IL1RAPL1: variants seen among roughly 807,000 people sequenced by gnomAD.
The protein encoded by IL1RAPL1 is interleukin 1 receptor accessory protein like 1, also known as interleukin-1 receptor accessory protein-like 1.
IL1RAPL1 carries 3 observed loss-of-function variants against 48.4 expected under a neutral mutation model. That is an observed-to-expected ratio of 0.06 (90% confidence interval 0.03 to 0.16). IL1RAPL1 has a LOEUF of 0.16. Ranked by LOEUF, IL1RAPL1 falls within the 10% of genes least tolerant of loss-of-function variation. The pLI is 1.00. For synonymous variants in IL1RAPL1, 185 were observed against 187.7 expected, an observed-to-expected ratio of 0.99 and a Z score of 0.12; for missense variants, 349 against 530.6, an observed-to-expected ratio of 0.66 and a Z score of 3.36.
chrX:29,156,606 A>C (rs1929575257), intron 2 of IL1RAPL1, among the ~76,000 whole-genome samples: 1 of 111,295 alleles, frequency 9.0e-6, no homozygotes, highest in South Asian at 3.8e-4. Context: ...TAAAAACCTC[A>C]TTCCCCAGTA....
intron 6 of IL1RAPL1, among the ~76,000 whole-genome samples, chrX:29,802,598 T>C (rs1929937246): frequency 1.6e-5 from 1 of 63,944 alleles, no homozygotes; most frequent in African/African-American, 4.5e-5. Context: ...CACTCTCAGT[T>C]TCTATACTTT....
chrX:29,826,647 T>C (rs1434407429), intron 6 of IL1RAPL1, among the ~76,000 whole-genome samples: 1 of 111,856 alleles, frequency 8.9e-6, no homozygotes, highest in Non-Finnish European at 1.9e-5. Flanking sequence ...ATGTGGTTTT[T>C]TGTGTCTAGC....
intron 6 of IL1RAPL1, among the ~76,000 whole-genome samples, chrX:29,790,732 A>G (rs746902023): frequency 8.9e-6 from 1 of 111,816 alleles, no homozygotes; most frequent in South Asian, 3.8e-4. Flanking sequence ...GTCTCTGTCC[A>G]TAAGTCTTCT....
intron 2 of IL1RAPL1, among the ~76,000 whole-genome samples, chrX:29,012,307 C>G (rs757925928): frequency 6.2e-5 from 7 of 112,149 alleles, no homozygotes; most frequent in Non-Finnish European, 1.1e-4. Context: ...CTTTGGGAGG[C>G]TGAGGCGGGT....
intron 6 of IL1RAPL1, among the ~76,000 whole-genome samples, chrX:29,680,859 C>T (rs1926430274): frequency 1.8e-5 from 2 of 111,814 alleles, no homozygotes; most frequent in South Asian, 7.5e-4. Context: ...TACGTCTCAA[C>T]TCTAGACCTG....
At chrX:29,817,601 A>C (rs955461151) in intron 6 of IL1RAPL1, among the ~76,000 whole-genome samples, 2 of 111,932 alleles carry the variant, frequency 1.8e-5, no homozygotes, top group Non-Finnish European at 3.8e-5. Context: ...TACAATAAGC[A>C]AAGATAACAG....
rs767491283 is a variant in IL1RAPL1, at chrX:29,383,546, T to C, written c.363-12712T>C. Among the ~76,000 whole-genome samples the C allele has an allele frequency of 1.5e-3, 169 of 112,320 alleles. 1 individual carries two copies. The highest frequency in any genetic ancestry group is 2.9e-3 in the Non-Finnish European group (153 of 53,190). Reference sequence around the variant, plus strand: ...TTAATATAATGTCATATTCTGAGCATGTTTATGTTTATAAAAAAATACAAA... The same window carrying C: ...TTAATATAATGTCATATTCTGAGCACGTTTATGTTTATAAAAAAATACAAA... On this transcript the variant is annotated intron_variant, in intron 3 of 10. Coordinates refer to ENST00000378993, the MANE Select transcript of IL1RAPL1 (RefSeq NM_014271.4).
At chrX:29,596,015 T>C (rs1384684463) in intron 5 of IL1RAPL1, among the ~76,000 whole-genome samples, 1 of 111,675 alleles carries the variant, frequency 9.0e-6, no homozygotes, top group African/African-American at 3.3e-5. Flanking sequence ...TTTATAAAAG[T>C]TTTTGTTTGT....
At chrX:28,600,634 G>A (rs1198614328) in intron 1 of IL1RAPL1, among the ~76,000 whole-genome samples, 1 of 110,945 alleles carries the variant, frequency 9.0e-6, no homozygotes, top group Non-Finnish European at 1.9e-5. Context: ...TTGAAAGTTG[G>A]CGGAAGGCAC....
At chrX:29,653,313 G>A (rs899027894) in intron 5 of IL1RAPL1, among the ~76,000 whole-genome samples, 14 of 111,758 alleles carry the variant, frequency 1.3e-4, no homozygotes, top group Non-Finnish European at 2.1e-4. Context: ...CTAACATTTT[G>A]CATGTGTTGT....
intron 3 of IL1RAPL1, among the ~76,000 whole-genome samples, chrX:29,377,868 G>A (rs1216169650): frequency 9.0e-6 from 1 of 110,803 alleles, no homozygotes; most frequent in Non-Finnish European, 1.9e-5. Context: ...TATCTAGCTG[G>A]AGTTCCTTGT....
At chrX:29,400,528 ATTC>A (rs1933980588) in intron 5 of IL1RAPL1, among the ~76,000 whole-genome samples, 1 of 111,841 alleles carries the variant, frequency 8.9e-6, no homozygotes, top group South Asian at 3.7e-4. Context: ...TTATTGAGAG[ATTC>A]TTCTTGGTGA....
At chrX:29,168,331 C>T (rs143578322) in intron 2 of IL1RAPL1, among the ~76,000 whole-genome samples, 3,376 of 106,578 alleles carry the variant, frequency 0.032, 149 homozygotes, top group African/African-American at 0.11. Context: ...AATAACCTTT[C>T]CCAAGAACCC....
At chrX:29,893,705 G>T (rs183890464) in intron 6 of IL1RAPL1, among the ~76,000 whole-genome samples, 4 of 111,447 alleles carry the variant, frequency 3.6e-5, no homozygotes, top group Non-Finnish European at 7.5e-5. Context: ...TACAATATTC[G>T]TAAAGAAGCC....
At chrX:29,901,682 A>T (rs1009324995) in intron 6 of IL1RAPL1, among the ~76,000 whole-genome samples, 2 of 112,004 alleles carry the variant, frequency 1.8e-5, no homozygotes, top group Admixed American at 1.9e-4. Context: ...TGCTTTCTTT[A>T]TGCATTTTTA....
intron 5 of IL1RAPL1, among the ~76,000 whole-genome samples, chrX:29,536,465 G>A (rs932860377): frequency 9.3e-5 from 10 of 107,971 alleles, no homozygotes; most frequent in Non-Finnish European, 1.5e-4. Flanking sequence ...AAGGTTTGAT[G>A]CTTATCTTTG....
chrX:29,760,467 A>T (rs1367498942), intron 6 of IL1RAPL1, among the ~76,000 whole-genome samples: 1 of 112,017 alleles, frequency 8.9e-6, no homozygotes. Context: ...TTCAAAATAA[A>T]AAAGTTTAAC....
intron 1 of IL1RAPL1, among the ~76,000 whole-genome samples, chrX:28,649,230 A>G (rs1200476762): frequency 8.9e-6 from 1 of 112,163 alleles, no homozygotes. Context: ...TTGTTCATCA[A>G]AGTATTCCAA....
intron 3 of IL1RAPL1, among the ~76,000 whole-genome samples, chrX:29,338,591 G>A (rs1335843826): frequency 9.0e-6 from 1 of 111,606 alleles, no homozygotes; most frequent in Non-Finnish European, 1.9e-5. Flanking sequence ...CTCAGTCAGT[G>A]AGCACTCCAG....
Sources: allele counts gnomAD v4.1 joint callset (sites outside exome capture counted in the v4.1 genomes callset), GRCh38; gene constraint gnomAD v4.1.1; transcripts MANE v1.5; gene names NCBI Gene and HGNC (gene_info 2026-07-23, HGNC 2026-07-21).